Variants in EYS observed in about 807,000 individuals in gnomAD.
EYS encodes the protein EGF-like photoreceptor maintenance factor.
Under a neutral mutation model 282.1 loss-of-function variants are expected in EYS, and 250 were observed. The ratio of observed to expected loss-of-function variants is 0.89; its 90% confidence interval spans 0.80 to 0.98. The LOEUF is 0.98. EYS is among the 50% of genes least tolerant of loss of function. The probability of loss-of-function intolerance (pLI) is 0.00; values close to 1 mark genes in which losing one functional copy is unlikely to be tolerated. For missense variants in EYS, 4,016 were observed against 3,709.0 expected, an observed-to-expected ratio of 1.08 and a Z score of -2.15; for synonymous variants, 1,355 against 1,282.9, an observed-to-expected ratio of 1.06 and a Z score of -1.20.
chr6:63,849,032 T>G (rs929167237), intron 36 of EYS, among the ~76,000 whole-genome samples: 2 of 152,150 alleles, frequency 1.3e-5, no homozygotes, highest in Non-Finnish European at 1.5e-5. Flanking sequence ...GAAGCTTGAG[T>G]AGGCGGTTTT....
chr6:65,112,898 A>G (rs1775253764), intron 12 of EYS, among the ~76,000 whole-genome samples: 1 of 152,026 alleles, frequency 6.6e-6, no homozygotes, highest in African/African-American at 2.4e-5. Flanking sequence ...TATTTTTACT[A>G]TTTGCTTCCA....
intron 12 of EYS, among the ~76,000 whole-genome samples, chr6:65,106,568 C>G (rs550725729): frequency 6.6e-6 from 1 of 151,894 alleles, no homozygotes; most frequent in Non-Finnish European, 1.5e-5. Context: ...TATTTGAAAC[C>G]GACACTCTTG....
intron 30 of EYS, among the ~76,000 whole-genome samples, chr6:64,234,732 T>G (rs1766529569): frequency 6.6e-6 from 1 of 152,202 alleles, no homozygotes; most frequent in Non-Finnish European, 1.5e-5. Flanking sequence ...TAGTAAACGT[T>G]TAATCTACAT....
intron 14 of EYS, among the ~76,000 whole-genome samples, chr6:64,977,436 T>C (rs1307974376): frequency 1.3e-5 from 2 of 151,874 alleles, no homozygotes; most frequent in Non-Finnish European, 2.9e-5. Context: ...GTTCTCTAGC[T>C]CTCTCCCTCT....
intron 14 of EYS, among the ~76,000 whole-genome samples, chr6:64,983,224 C>T (rs1770739709): frequency 6.6e-6 from 1 of 151,060 alleles, no homozygotes; most frequent in Admixed American, 6.6e-5. Flanking sequence ...AACAGGATTG[C>T]TACACTGCCT....
chr6:64,033,619 AT>A (rs1189407267), intron 33 of EYS, among the ~76,000 whole-genome samples: 2 of 152,102 alleles, frequency 1.3e-5, no homozygotes, highest in Non-Finnish European at 2.9e-5. Flanking sequence ...AATTGTCAAA[AT>A]TTTTTATCTA....
intron 15 of EYS, among the ~76,000 whole-genome samples, chr6:64,937,473 G>T (rs796656148): frequency 3.3e-5 from 5 of 151,534 alleles, no homozygotes; most frequent in African/African-American, 9.7e-5. Flanking sequence ...TCCCAAATGA[G>T]CAAATGATAT....
chr6:64,436,751 A>G (rs9351255), intron 27 of EYS, among the ~76,000 whole-genome samples: 42,023 of 151,654 alleles, frequency 0.28, 5,951 homozygotes, highest in East Asian at 0.47. Flanking sequence ...TTGTAGAATT[A>G]CTGTTAATGG....
chr6:64,871,029 T>A (rs558390301), intron 19 of EYS, among the ~76,000 whole-genome samples: 9 of 151,938 alleles, frequency 5.9e-5, no homozygotes, highest in Non-Finnish European at 1.2e-4. Context: ...CTTGAAGAAA[T>A]AATGGCTTAA....
chr6:64,322,105 G>A (rs1043691409), intron 29 of EYS, among the ~76,000 whole-genome samples: 3 of 151,996 alleles, frequency 2.0e-5, no homozygotes, highest in Non-Finnish European at 2.9e-5. Flanking sequence ...ATACTCGGTA[G>A]TAAGCACAGG....
intron 14 of EYS, among the ~76,000 whole-genome samples, chr6:64,964,353 T>G (rs1437236832): frequency 6.6e-6 from 1 of 152,190 alleles, no homozygotes; most frequent in Non-Finnish European, 1.5e-5. Flanking sequence ...TATTCAGCAT[T>G]CCTTATTCCT....
At chr6:64,968,434 T>C (rs1410509348) in intron 14 of EYS, among the ~76,000 whole-genome samples, 1 of 152,232 alleles carries the variant, frequency 6.6e-6, no homozygotes, top group Non-Finnish European at 1.5e-5. Flanking sequence ...TTTCTTCATT[T>C]ACAAATTAAA....
chr6:65,512,173 C>A (rs544380488), intron 2 of EYS, among the ~76,000 whole-genome samples: 7 of 152,006 alleles, frequency 4.6e-5, no homozygotes, highest in Admixed American at 1.3e-4. Flanking sequence ...GTTACTCATA[C>A]GCCTTACAGA....
At chr6:64,165,424 G>A (rs956250611) in intron 31 of EYS, among the ~76,000 whole-genome samples, 3 of 151,920 alleles carry the variant, frequency 2.0e-5, no homozygotes, top group Admixed American at 6.6e-5. Context: ...ACCTTAAACT[G>A]TTCTTTCTTA....
At chr6:64,734,938 TTCTC>T (rs902969242) in intron 22 of EYS, among the ~76,000 whole-genome samples, 1 of 152,212 alleles carries the variant, frequency 6.6e-6, no homozygotes, top group African/African-American at 2.4e-5. Flanking sequence ...TATTAGTTCT[TTCTC>T]TCTAATATAT....
At chr6:65,395,410 T>C (rs1042467674) in intron 7 of EYS, among the ~76,000 whole-genome samples, 1 of 152,166 alleles carries the variant, frequency 6.6e-6, no homozygotes, top group African/African-American at 2.4e-5. Flanking sequence ...CGAAGCATAA[T>C]TGACAAAGTT....
chr6:64,474,922 A>C (rs1776216213), intron 26 of EYS, among the ~76,000 whole-genome samples: 1 of 152,214 alleles, frequency 6.6e-6, no homozygotes, highest in Non-Finnish European at 1.5e-5. Flanking sequence ...GAGAGGAAAC[A>C]CATCATTCAG....
intron 5 of EYS, 92 bp from the exon 6 acceptor site, chr6:65,405,459 TC>T: frequency 9.9e-7 from 1 of 1,005,666 alleles, no homozygotes; most frequent in Non-Finnish European, 1.5e-6. Flanking sequence ...CTAGAAAATT[TC>T]TCTAGAGTTT....
At chr6:64,284,615 G>A (rs1420025185) in intron 30 of EYS, among the ~76,000 whole-genome samples, 2 of 152,120 alleles carry the variant, frequency 1.3e-5, no homozygotes. Context: ...CTTCTTCATT[G>A]CCCTAGCAGA....
Sources: gnomAD v4.1 joint callset for allele counts (sites outside exome capture counted in the v4.1 genomes callset) on GRCh38, gnomAD v4.1.1 for gene constraint, MANE v1.5 for transcripts, NCBI Gene and HGNC (gene_info 2026-07-23, HGNC 2026-07-21) for gene names.